The following PPM1H variants were observed in gnomAD, a reference collection of about 807,000 sequenced individuals.
PPM1H encodes protein phosphatase 1H.
PPM1H carries 27 observed loss-of-function variants against 54.9 expected under a neutral mutation model. That is an observed-to-expected ratio of 0.49 (90% CI 0.36 to 0.68). PPM1H has a LOEUF of 0.68. Ranked by LOEUF, PPM1H falls within the 30% of genes least tolerant of loss-of-function variation. PPM1H has a pLI of 0.00. For missense variants in PPM1H, 596 were observed against 667.8 expected, an observed-to-expected ratio of 0.89 and a Z score of 1.19; for synonymous variants, 305 against 270.8, an observed-to-expected ratio of 1.13 and a Z score of -1.24.
At chr12:62,698,933 A>C (rs144808196) in intron 6 of PPM1H, among the ~76,000 whole-genome samples, 1 of 152,258 alleles carries the variant, frequency 6.6e-6, no homozygotes, top group Non-Finnish European at 1.5e-5. Context: ...AACTTCCTGA[A>C]CTCAGATCCT....
At chr12:62,803,625 T>A (rs117261587) in intron 2 of PPM1H, among the ~76,000 whole-genome samples, 2 of 152,278 alleles carry the variant, frequency 1.3e-5, no homozygotes, top group Non-Finnish European at 2.9e-5. Flanking sequence ...AAAAACTCCT[T>A]GATATTGGTC....
At chr12:62,885,436 C>T (rs1025516259) in intron 1 of PPM1H, among the ~76,000 whole-genome samples, 2 of 152,070 alleles carry the variant, frequency 1.3e-5, no homozygotes, top group African/African-American at 4.8e-5. Context: ...TAGGTCAGGC[C>T]CACCTGGGAT....
chr12:62,911,229 G>A (rs768858679), intron 1 of PPM1H, among the ~76,000 whole-genome samples: 2 of 152,148 alleles, frequency 1.3e-5, no homozygotes, highest in Non-Finnish European at 2.9e-5. Context: ...GAGCAGAGTG[G>A]CACTGTGATC....
chr12:62,747,885 T>G (rs1009234596), intron 4 of PPM1H, among the ~76,000 whole-genome samples: 2 of 152,050 alleles, frequency 1.3e-5, no homozygotes, highest in Non-Finnish European at 2.9e-5. Flanking sequence ...CAATGACCTA[T>G]AACATGAGGT....
intron 8 of PPM1H, among the ~76,000 whole-genome samples, chr12:62,685,150 G>C (rs2076044452): frequency 6.6e-6 from 1 of 152,038 alleles, no homozygotes; most frequent in African/African-American, 2.4e-5. Context: ...AATTATAGGT[G>C]CACAGTGTTA....
intron 1 of PPM1H, among the ~76,000 whole-genome samples, chr12:62,880,129 T>A (rs1053829679): frequency 1.3e-5 from 2 of 152,220 alleles, no homozygotes; most frequent in Non-Finnish European, 2.9e-5. Flanking sequence ...GTTGTTAAAA[T>A]AGAACAATTA....
At chr12:62,780,825 T>C (rs1320224012) in intron 4 of PPM1H, among the ~76,000 whole-genome samples, 1 of 152,222 alleles carries the variant, frequency 6.6e-6, no homozygotes, top group East Asian at 1.9e-4. Flanking sequence ...TTGGGTTCTC[T>C]ACTACAAAGT....
chr12:62,735,903 A>G (rs1379289376), intron 5 of PPM1H, among the ~76,000 whole-genome samples: 1 of 152,218 alleles, frequency 6.6e-6, no homozygotes, highest in East Asian at 1.9e-4. Flanking sequence ...TATGTCCTGG[A>G]AATGGAAGGT....
intron 4 of PPM1H, among the ~76,000 whole-genome samples, chr12:62,772,139 T>C (rs1454174240): frequency 6.6e-6 from 1 of 152,220 alleles, no homozygotes; most frequent in Non-Finnish European, 1.5e-5. Flanking sequence ...ATTTTAATAA[T>C]GACAATAGCT....
intron 4 of PPM1H, among the ~76,000 whole-genome samples, chr12:62,785,042 G>A (rs1381668970): frequency 1.3e-5 from 2 of 152,034 alleles, no homozygotes; most frequent in African/African-American, 4.8e-5. Context: ...GGTTTTAGAG[G>A]TAGTATTTTA....
At chr12:62,689,525 A>C (rs2076071889) in intron 8 of PPM1H, among the ~76,000 whole-genome samples, 174 bp downstream of exon 8, 1 of 152,212 alleles carries the variant, frequency 6.6e-6, no homozygotes, top group African/African-American at 2.4e-5. Flanking sequence ...GAAGGTGTGA[A>C]CCAGAAGAGT....
chr12:62,743,965 T>G (rs1158860521), intron 4 of PPM1H, among the ~76,000 whole-genome samples: 1 of 152,172 alleles, frequency 6.6e-6, no homozygotes, highest in Non-Finnish European at 1.5e-5. Context: ...ATTACAATTA[T>G]AATTACATAT....
chr12:62,890,966 G>A (rs776674604), intron 1 of PPM1H, among the ~76,000 whole-genome samples: 9 of 151,708 alleles, frequency 5.9e-5, no homozygotes, highest in Admixed American at 3.3e-4. Flanking sequence ...AAAATTAGCC[G>A]GGCGTGGTGG....
At chr12:62,878,013 T>C (rs1870241425) in intron 1 of PPM1H, among the ~76,000 whole-genome samples, 1 of 151,766 alleles carries the variant, frequency 6.6e-6, no homozygotes, top group African/African-American at 2.4e-5. Context: ...TTCTCCTGTC[T>C]CAGCCTCCTG....
chr12:62,694,063 AC>A, intron 6 of PPM1H, 64 bp from the exon 7 acceptor site: 1 of 1,404,772 alleles, frequency 7.1e-7, no homozygotes, highest in Non-Finnish European at 9.9e-7. Flanking sequence ...CTGCCCTGAC[AC>A]CGACTGCTAG....
chr12:62,794,123 G>A (rs2076717435), intron 3 of PPM1H, among the ~76,000 whole-genome samples: 1 of 152,152 alleles, frequency 6.6e-6, no homozygotes, highest in Non-Finnish European at 1.5e-5. Context: ...CCAGGCAATG[G>A]GGAAGAAAAG....
intron 4 of PPM1H, among the ~76,000 whole-genome samples, chr12:62,753,148 C>T (rs1035304067): frequency 1.3e-5 from 2 of 152,112 alleles, no homozygotes; most frequent in Admixed American, 6.5e-5. Context: ...AAAACAAAGC[C>T]GAGAACTGAA....
intron 1 of PPM1H, among the ~76,000 whole-genome samples, chr12:62,915,561 C>A (rs1056255487): frequency 6.6e-6 from 1 of 152,218 alleles, no homozygotes; most frequent in African/African-American, 2.4e-5. Flanking sequence ...CCAGGTTTTA[C>A]CTGAGAAGGA....
chr12:62,675,346 G>A lies in PPM1H; in HGVS notation c.1246-8017C>T, dbSNP rs140830379. Among the ~76,000 whole-genome samples the A allele has an allele frequency of 1.6e-3, 248 of 152,284 alleles. 1 individual carries two copies. Among genetic ancestry groups the A allele is most frequent in the Admixed American group, 8.9e-3 (136 of 15,302 alleles). On this transcript the variant is annotated intron_variant, in intron 8 of 9. Transcript: ENST00000228705. ...TTTTTTAACACACAAGGCCTGGCAC[G>A]TTACAATTCTCTGGGTTTCCAATGG...
Sources: gnomAD v4.1 joint callset for allele counts (sites outside exome capture counted in the v4.1 genomes callset) on GRCh38, gnomAD v4.1.1 for gene constraint, MANE v1.5 for transcripts, NCBI Gene and HGNC (gene_info 2026-07-23, HGNC 2026-07-21) for gene names.